The following SLC2A7 variants were observed in gnomAD, a reference collection of about 807,000 sequenced individuals.
The protein encoded by SLC2A7 is solute carrier family 2, facilitated glucose transporter member 7.
Under a neutral mutation model 50.5 loss-of-function variants are expected in SLC2A7, and 50 were observed. The observed-to-expected ratio is 0.99, with a 90% CI of 0.79 to 1.25. SLC2A7 has a LOEUF of 1.25. SLC2A7 is among the 50% of genes most tolerant of loss of function. The pLI is 0.00. For synonymous variants in SLC2A7, 308 were observed against 300.4 expected, an observed-to-expected ratio of 1.03 and a Z score of -0.26; for missense variants, 683 against 679.1, an observed-to-expected ratio of 1.01 and a Z score of -0.06.
intron 8 of SLC2A7, among the ~76,000 whole-genome samples, chr1:9,013,109 C>G (rs1418379761): frequency 6.6e-6 from 1 of 152,188 alleles, no homozygotes; most frequent in Non-Finnish European, 1.5e-5. Context: ...CCAGGCTGGT[C>G]TCAAACTCCT....
At chr1:9,013,767 G>A (rs1401164055) in intron 7 of SLC2A7, 132 bp from the exon 8 acceptor site, 5 of 707,664 alleles carry the variant, frequency 7.1e-6, no homozygotes, top group South Asian at 4.2e-5. Flanking sequence ...GGTAGCAGGT[G>A]GTGGGAAAAA....
At chr1:9,016,133 TGA>T (rs1444791475) in intron 5 of SLC2A7, among the ~76,000 whole-genome samples, 2 of 152,188 alleles carry the variant, frequency 1.3e-5, no homozygotes, top group Non-Finnish European at 2.9e-5. Context: ...TCTCTCTAAT[TGA>T]CGATTTAATA....
chr1:9,020,647 T>TGCTG (rs1257588315), intron 3 of SLC2A7, among the ~76,000 whole-genome samples: 5 of 142,106 alleles, frequency 3.5e-5, no homozygotes, highest in African/African-American at 1.3e-4. Flanking sequence ...GCTGTGGGGT[T>TGCTG]GCTGGCTGGT....
At chr1:9,004,556 T>C (rs1640624495) in intron 11 of SLC2A7, among the ~76,000 whole-genome samples, 196 bp downstream of exon 11, 1 of 151,966 alleles carries the variant, frequency 6.6e-6, no homozygotes, top group East Asian at 1.9e-4. Flanking sequence ...CAGCAGGGGA[T>C]CACCCTTCAG....
At chr1:9,018,000 C>T (rs1054832012) in intron 5 of SLC2A7, among the ~76,000 whole-genome samples, 1 of 152,096 alleles carries the variant, frequency 6.6e-6, no homozygotes, top group Non-Finnish European at 1.5e-5. Flanking sequence ...TATAGCAGAA[C>T]CCCTACCTGC....
At position 9,003,284 on chromosome 1, in the gene SLC2A7, C is replaced by G; in HGVS notation, c.*16G>C. 1 of 1,613,396 alleles carries G rather than the reference C, an allele frequency of 6.2e-7. No homozygotes were observed. Among genetic ancestry groups the G allele is most frequent in the Non-Finnish European group, 8.5e-7 (1 of 1,179,540 alleles). Reference sequence around the variant, plus strand: ...GGAAGCCTTGAATATGGGCTCCCGTCCTTCATGCAGGGCCACTAAAAGGAA... The same window carrying G: ...GGAAGCCTTGAATATGGGCTCCCGTGCTTCATGCAGGGCCACTAAAAGGAA... On this transcript the variant is annotated 3_prime_UTR_variant, in exon 12 of 12. Coordinates refer to ENST00000400906, the MANE Select transcript of SLC2A7 (RefSeq NM_207420.3).
intron 8 of SLC2A7, 45 bp from the exon 9 acceptor site, chr1:9,010,289 C>G: frequency 2.6e-6 from 4 of 1,514,034 alleles, no homozygotes; most frequent in Non-Finnish European, 3.6e-6. Flanking sequence ...GGCCTGGCGC[C>G]CACGGTTCTT....
At chr1:9,002,839 G>A (rs961538732), downstream of SLC2A7, among the ~76,000 whole-genome samples, 2 of 152,224 alleles carry the variant, frequency 1.3e-5, no homozygotes, top group African/African-American at 4.8e-5. Flanking sequence ...AGCTGGGCAC[G>A]CAGGCTGGGA....
At chr1:9,025,759 G>T (rs1344680595) in intron 1 of SLC2A7, among the ~76,000 whole-genome samples, 2 of 152,206 alleles carry the variant, frequency 1.3e-5, no homozygotes, top group Non-Finnish European at 2.9e-5. Flanking sequence ...GCTTGGAGGG[G>T]AACTGGCCTG....
intron 10 of SLC2A7, among the ~76,000 whole-genome samples, chr1:9,005,920 C>T (rs912592874): frequency 3.9e-5 from 6 of 152,182 alleles, no homozygotes; most frequent in Admixed American, 1.3e-4. Context: ...ACTTGGGGCC[C>T]GGGCCCCTTC....
chr1:8,995,034 G>C, the SLC2A7 span, among the ~76,000 whole-genome samples: 1 of 151,542 alleles, frequency 6.6e-6, no homozygotes. Flanking sequence ...GCCTCCCAAA[G>C]TGCTGGGATT....
chr1:9,019,948 A>G (rs1158910929), intron 3 of SLC2A7, among the ~76,000 whole-genome samples: 1 of 152,166 alleles, frequency 6.6e-6, no homozygotes, highest in Non-Finnish European at 1.5e-5. Context: ...GAAAAAGAAA[A>G]AAGACACAGC....
Position 9,018,224 on chromosome 1 carries a change from T to C in SLC2A7, c.588A>G (p.Ala196=). ...GTGACCTCTGCGGCTGCCGGTTACCTGCCGGGTTGCCCAAGATGGCCTGGA... is the reference window on the plus strand; with the variant it reads ...GTGACCTCTGCGGCTGCCGGTTACCCGCCGGGTTGCCCAAGATGGCCTGGA... The part of the protein sequence containing the change: ...FSLQAILGNP[A]GWPVLLALTG... Residue 196 remains alanine (A), a splice_region_variant and synonymous_variant, in exon 5 of 12, where the codon GCA becomes GCG. Coordinates refer to ENST00000400906, the MANE Select transcript of SLC2A7 (RefSeq NM_207420.3). 1.2e-6 allele frequency: 2 copies of C among 1,614,074 alleles called. No homozygotes were observed. Among genetic ancestry groups the C allele is most frequent in the Non-Finnish European group, 1.7e-6 (2 of 1,180,004 alleles).
chr1:9,014,016 T>C (rs1640789261), intron 7 of SLC2A7, among the ~76,000 whole-genome samples: 1 of 152,248 alleles, frequency 6.6e-6, no homozygotes, highest in Non-Finnish European at 1.5e-5. Context: ...GTCTGTCTTC[T>C]GGCCCCATGC....
chr1:8,996,438 T>A, the SLC2A7 span, among the ~76,000 whole-genome samples: 1 of 152,230 alleles, frequency 6.6e-6, no homozygotes, highest in African/African-American at 2.4e-5. Context: ...TGTACTTTGG[T>A]GGTGCTTCCA....
chr1:9,003,533 G>A lies in SLC2A7; in HGVS notation c.1321-15C>T, dbSNP rs756741669. On this transcript the variant is annotated splice_polypyrimidine_tract_variant and intron_variant, in intron 11 of 11. Transcript: ENST00000400906. ...CCGATGGCCTCCTAGACCAGGAGAC[G>A]AGAAAGACAGGAGGGGGCAGAGAAA... is the stretch of plus-strand genomic sequence containing the variant. 8.7e-6 allele frequency: 14 copies of A among 1,610,230 alleles called. No homozygotes were observed. Among genetic ancestry groups the A allele is most frequent in the Admixed American group, 5.0e-5 (3 of 59,926 alleles).
chr1:9,024,997 A>G lies in SLC2A7; in HGVS notation c.129T>C (p.Ser43=). 1.2e-6 allele frequency: 2 copies of G among 1,607,092 alleles called. No individual in the cohort carries two copies. The highest frequency in any genetic ancestry group is 1.7e-4 in the Middle Eastern group (1 of 6,046). ...GSAFQYGYNL[S]VVNTPHKVFK... ...CCACCTTGTGCGGCGTGTTGACCAC[A>G]GAGAGGTTGTAGCCGTACTGGAAGG... The change falls in exon 2 of 12, where the codon TCT becomes TCC. Residue 43 remains serine, a synonymous_variant. Coordinates refer to ENST00000400906, the MANE Select transcript of SLC2A7 (RefSeq NM_207420.3).
rs182102737 is a variant in SLC2A7, at chr1:9,025,037, G to A, written c.89C>T (p.Ala30Val). Residue 30 changes from alanine (A) to valine (V), a missense_variant, in exon 2 of 12, where the codon GCG (alanine) becomes GTG (valine). Transcript: ENST00000400906. ...QPTLLLATLS[A>V]AFGSAFQYGY... Reference sequence around the variant, plus strand: ...GTACTGGAAGGCTGAGCCAAAGGCCGCGCTCAGTGTCGCCAGCAACAGCGT... The same window carrying A: ...GTACTGGAAGGCTGAGCCAAAGGCCACGCTCAGTGTCGCCAGCAACAGCGT... 12 of 1,613,856 alleles carry A rather than the reference G, an allele frequency of 7.4e-6. No individual in the cohort carries two copies. In the East Asian group the frequency reaches 1.8e-4, roughly 24 times the overall value.
intron 8 of SLC2A7, among the ~76,000 whole-genome samples, chr1:9,013,204 T>C (rs28594609): frequency 6.6e-6 from 1 of 151,888 alleles, no homozygotes; most frequent in Non-Finnish European, 1.5e-5. Context: ...TTTTTTTGTA[T>C]TTTTAGTAGA....
Sources: allele counts gnomAD v4.1 joint callset (sites outside exome capture counted in the v4.1 genomes callset), GRCh38; gene constraint gnomAD v4.1.1; transcripts MANE v1.5; gene names NCBI Gene and HGNC (gene_info 2026-07-23, HGNC 2026-07-21).